RPAP1: variants seen among roughly 807,000 people sequenced by gnomAD.
RPAP1 encodes the protein RNA polymerase II-associated protein 1.
Under a neutral mutation model 142.4 loss-of-function variants are expected in RPAP1, and 109 were observed. The ratio of observed to expected loss-of-function variants is 0.77; its 90% CI spans 0.66 to 0.90. RPAP1 has a LOEUF of 0.90. RPAP1 is among the 40% of genes least tolerant of loss of function. The pLI is 0.00. For missense variants in RPAP1, 1,546 were observed against 1,751.7 expected (o/e 0.88, Z 2.10); for synonymous variants, 704 against 738.9 (o/e 0.95, Z 0.77).
At chr15:41,537,259 G>A in intron 1 of RPAP1, 58 bp from the exon 2 acceptor site, 1 of 831,408 alleles carries the variant, frequency 1.2e-6, no homozygotes, top group Non-Finnish European at 1.9e-6. Context: ...TCTTTATTGG[G>A]CAACAGCGAA....
In RPAP1 at chr15:41,537,164, A is replaced by G. The variant is rs372878115; in HGVS notation, c.-39T>C. ...CTGCCTCCCCAGTACGACTCTCTCC[A>G]GCAGTGTCTCCGTGTGGGGGTTCCC... On this transcript the variant is annotated 5_prime_UTR_variant, in exon 2 of 25. Coordinates refer to ENST00000304330, the MANE Select transcript of RPAP1 (RefSeq NM_015540.4). 2.6e-4 allele frequency: 418 copies of G among 1,593,324 alleles called. 1 individual carries two copies. The highest frequency in any genetic ancestry group is 3.5e-4 in the Non-Finnish European group (406 of 1,168,500).
intron 14 of RPAP1, among the ~76,000 whole-genome samples, chr15:41,526,686 C>A (rs1224295592): frequency 6.6e-6 from 1 of 152,188 alleles, no homozygotes; most frequent in African/African-American, 2.4e-5. Context: ...CATCATGAGA[C>A]CACAGTATAC....
intron 1 of RPAP1, among the ~76,000 whole-genome samples, chr15:41,541,054 T>G (rs1390155901): frequency 6.6e-6 from 1 of 151,366 alleles, no homozygotes; most frequent in African/African-American, 2.4e-5. Flanking sequence ...CACCCCCAGT[T>G]GAAAACCACT....
At chr15:41,540,520 C>G (rs1015824148) in intron 1 of RPAP1, among the ~76,000 whole-genome samples, 33 of 152,152 alleles carry the variant, frequency 2.2e-4, no homozygotes, top group African/African-American at 7.7e-4. Flanking sequence ...AGGCTGGTCT[C>G]GAACTCCCGA....
chr15:41,541,681 A>G (rs962993652), intron 1 of RPAP1, among the ~76,000 whole-genome samples: 1 of 151,950 alleles, frequency 6.6e-6, no homozygotes, highest in African/African-American at 2.4e-5. Context: ...TGCCGTCTCT[A>G]CTAAAAATAC....
rs981606991 is a variant in RPAP1 at position 41,541,720 on chromosome 15, G to A, written c.-77+2499C>T. On this transcript the variant is annotated intron_variant, in intron 1 of 24. Transcript: ENST00000304330. ...AAATTAGCTGGGTGTGGTAGCACGC[G>A]CCTGTAGTCCCAGCTACTGGGGAGG... Among the ~76,000 whole-genome samples, 15 of 152,198 alleles carry A rather than the reference G, an allele frequency of 9.9e-5. 1 individual carries two copies. The highest frequency in any genetic ancestry group is 3.9e-4 in the Admixed American group (6 of 15,270).
chr15:41,529,945 CCATT>C lies in RPAP1; in HGVS notation c.974_977del (p.Glu325GlyfsTer73). On this transcript the variant is annotated frameshift_variant, in exon 8 of 25. Transcript: ENST00000304330. LOFTEE classifies it high-confidence loss of function. ...CCAGCTCGACAGTGTCCATGTGCAG[CCATT>C]CTTTCTGAGGGGTCACGGGCAATGC... The C allele has an allele frequency of 6.2e-7, 1 of 1,614,170 alleles. No homozygotes were observed. Among genetic ancestry groups the C allele is most frequent in the Non-Finnish European group, 8.5e-7 (1 of 1,180,030 alleles).
intron 2 of RPAP1, 108 bp from the exon 3 acceptor site, chr15:41,536,757 C>A: frequency 6.9e-7 from 1 of 1,454,762 alleles, no homozygotes; most frequent in Non-Finnish European, 9.3e-7. Flanking sequence ...CAAGCTGTGT[C>A]ATCTTGGGTA....
At chr15:41,518,210 G>T in intron 22 of RPAP1, 28 bp from the exon 23 acceptor site, 1 of 1,539,294 alleles carries the variant, frequency 6.5e-7, no homozygotes, top group East Asian at 2.3e-5. Context: ...ACGTGCTGAG[G>T]GGGAGGGTAG....
At chr15:41,541,664 G>A (rs189726029) in intron 1 of RPAP1, among the ~76,000 whole-genome samples, 14 of 152,164 alleles carry the variant, frequency 9.2e-5, no homozygotes, top group Admixed American at 4.6e-4. Context: ...TGGCTAACAC[G>A]GTGAAATGCC....
rs780928850 is a variant in RPAP1 at position 41,517,998 on chromosome 15, T to A, written c.3972+8A>T. 1.9e-6 allele frequency: 3 copies of A among 1,614,146 alleles called. No homozygotes were observed. Among genetic ancestry groups the A allele is most frequent in the Non-Finnish European group, 2.5e-6 (3 of 1,179,994 alleles). Reference sequence around the variant, plus strand: ...CTTCCTTCCTCTGAAGATGGAGATGTAACTTACTGAGCTCTGTGGGTCCTG... The same window carrying A: ...CTTCCTTCCTCTGAAGATGGAGATGAAACTTACTGAGCTCTGTGGGTCCTG... On this transcript the variant is annotated splice_region_variant and intron_variant, in intron 23 of 24. Coordinates refer to ENST00000304330, the MANE Select transcript of RPAP1 (RefSeq NM_015540.4).
At chr15:41,537,266 C>T (rs186338408) in intron 1 of RPAP1, 65 bp from the exon 2 acceptor site, 21 of 771,266 alleles carry the variant, frequency 2.7e-5, no homozygotes, top group East Asian at 8.1e-5. Context: ...TGGGCAACAG[C>T]GAAGATCTTC....
At chr15:41,533,751 T>C (rs1418027848) in intron 6 of RPAP1, among the ~76,000 whole-genome samples, 1 of 151,374 alleles carries the variant, frequency 6.6e-6, no homozygotes, top group East Asian at 1.9e-4. Context: ...GACAGGAGAA[T>C]TGCTTGAACC....
At position 41,520,483 on chromosome 15, in the gene RPAP1, G is replaced by A; in HGVS notation, c.3703C>T (p.Pro1235Ser). Residue 1235 changes from proline to serine, a missense_variant, in exon 22 of 25, where the codon CCC becomes TCC. Pro to Ser is a moderately conservative substitution (Grantham distance 74). Around this residue, in one of 3 missense-constraint regions of RPAP1, gnomAD observed 210 missense variants for 248.0 expected, o/e 0.85. Coordinates refer to ENST00000304330, the MANE Select transcript of RPAP1 (RefSeq NM_015540.4). ...GTGACACTGAACCGACGCTGCAGGGGCAGGAGGACCAGGGCCCCAAAGAGG... is the reference window on the plus strand; with the variant it reads ...GTGACACTGAACCGACGCTGCAGGGACAGGAGGACCAGGGCCCCAAAGAGG... ...DHLFGALVLLPLQRRFSVTLR... is the reference protein window; with the variant it reads ...DHLFGALVLLSLQRRFSVTLR... 1 of 1,614,098 alleles carries A rather than the reference G, an allele frequency of 6.2e-7. No individual in the cohort carries two copies. The highest frequency in any genetic ancestry group is 8.5e-7 in the Non-Finnish European group (1 of 1,179,986).
intron 12 of RPAP1, 59 bp downstream of exon 12, chr15:41,527,364 T>C (rs1791502598): frequency 1.9e-6 from 3 of 1,612,802 alleles, no homozygotes; most frequent in Non-Finnish European, 2.5e-6. Context: ...TGATGGCCCC[T>C]CTTTCCAGCA....
chr15:41,531,625 ATATTTTTTTTTTTT>A (rs1466815014), intron 6 of RPAP1, among the ~76,000 whole-genome samples: 12 of 15,292 alleles, frequency 7.8e-4, no homozygotes, highest in Admixed American at 2.8e-3. Context: ...ATATATATAT[ATATTTTTTTTTTTT>A]TTTTTTTTTT....
chr15:41,530,992 C>G (rs770612026), intron 7 of RPAP1, 31 bp downstream of exon 7: 1 of 1,584,864 alleles, frequency 6.3e-7, no homozygotes, highest in Admixed American at 1.7e-5. Context: ...TACTTTTATC[C>G]ACCAAAATAT....
rs748530213 is a variant in RPAP1 at position 41,521,816 on chromosome 15, A to G, written c.2960T>C (p.Leu987Pro). Residue 987 changes from leucine (L) to proline (P), a missense_variant, in exon 21 of 25, where the codon CTG becomes CCG. Physicochemically the swap from Leu to Pro is moderately conservative, Grantham distance 98. Transcript: ENST00000304330. ...CTCACTTCCGGGCAGCAGCCGGCTC[A>G]GCAGGGCCAAGGCCATACCATGATA... ...ALYHGMALAL[L>P]SRLLPGSEYL... is the part of the protein sequence containing the mutation. 6.2e-7 allele frequency: 1 copy of G among 1,614,208 alleles called. No homozygotes were observed. The highest frequency in any genetic ancestry group is 1.3e-5 in the African/African-American group (1 of 75,060).
chr15:41,523,474 A>T, intron 17 of RPAP1, 120 bp from the exon 18 acceptor site: 1 of 696,602 alleles, frequency 1.4e-6, no homozygotes, highest in Non-Finnish European at 2.5e-6. Flanking sequence ...AGGCTTCTGC[A>T]GGCTGAGCCT....
Sources: allele counts gnomAD v4.1 joint callset (sites outside exome capture counted in the v4.1 genomes callset), GRCh38; gene constraint gnomAD v4.1.1; regional missense constraint gnomAD v4.1.1; transcripts MANE v1.5; gene names NCBI Gene and HGNC (gene_info 2026-07-23, HGNC 2026-07-21).